PRKN: variants seen among roughly 807,000 people sequenced by gnomAD.
PRKN encodes the protein E3 ubiquitin-protein ligase parkin.
PRKN carries 56 observed loss-of-function variants against 59.5 expected under a neutral mutation model. The ratio of observed to expected loss-of-function variants is 0.94; its 90% confidence interval spans 0.76 to 1.18. The LOEUF (loss-of-function observed/expected upper bound fraction) is 1.18, where lower values mean the gene tolerates loss of function less well. Among genes scored for constraint, PRKN ranks in the 50% most tolerant of loss-of-function variants. The pLI, the probability that PRKN is intolerant of heterozygous loss-of-function variation, is 0.00. For synonymous variants in PRKN, 250 were observed against 222.1 expected, an observed-to-expected ratio of 1.13 and a Z score of -1.12; for missense variants, 657 against 596.4, an observed-to-expected ratio of 1.10 and a Z score of -1.06.
chr6:161,864,679 C>G (rs1424411123), intron 6 of PRKN, among the ~76,000 whole-genome samples: 2 of 152,000 alleles, frequency 1.3e-5, no homozygotes, highest in African/African-American at 4.8e-5. Context: ...TTTTTTGAGA[C>G]AGAATCTCGC....
chr6:161,723,592 A>T (rs1787317327), intron 7 of PRKN, among the ~76,000 whole-genome samples: 1 of 152,114 alleles, frequency 6.6e-6, no homozygotes, highest in Admixed American at 6.5e-5. Flanking sequence ...AAACTCAGGG[A>T]TGAAAGAAAG....
intron 2 of PRKN, among the ~76,000 whole-genome samples, chr6:162,333,290 C>G (rs116361077): frequency 0.013 from 1,907 of 150,420 alleles, 45 homozygotes; most frequent in African/African-American, 0.044. Flanking sequence ...CACATGCAGG[C>G]ACACCTCTTG....
Position 161,473,814 on chromosome 6 carries a change from A to G in PRKN, c.1083+75040T>C, listed in dbSNP as rs901966989. On this transcript the variant is annotated intron_variant, in intron 9 of 11. Transcript: ENST00000366898. This position sits in a 1 kb window ranked among gnomAD's most constrained non-coding sequence, Gnocchi z 4.1. ...CACTTCACTATGTATAAATATATCA[A>G]AATATGTTGTACACCTTAACTATAT... is the stretch of plus-strand genomic sequence containing the variant. Among the ~76,000 whole-genome samples the G allele has an allele frequency of 2.6e-5, 4 of 152,190 alleles. No individual in the cohort carries two copies. The highest frequency in any genetic ancestry group is 9.7e-5 in the African/African-American group (4 of 41,428).
chr6:162,461,499 C>CAAAAAAAAAAAAAAAAAAAA (rs780424226), intron 1 of PRKN, among the ~76,000 whole-genome samples: 46 of 36,520 alleles, frequency 1.3e-3, no homozygotes, highest in Admixed American at 1.7e-3. Context: ...TAAAGTGTCT[C>CAAAAAAAAAAAAAAAAAAAA]AAAAAAAAAA....
intron 1 of PRKN, among the ~76,000 whole-genome samples, chr6:162,682,581 A>G (rs1779813202): frequency 6.6e-6 from 1 of 152,106 alleles, no homozygotes. Flanking sequence ...AGAGGGGAAC[A>G]ACAGGTACTG....
chr6:162,472,804 T>TTATATATATATATATATATATATA (rs1290741228), intron 1 of PRKN, among the ~76,000 whole-genome samples: 27 of 93,736 alleles, frequency 2.9e-4, no homozygotes, highest in East Asian at 9.6e-4. Context: ...AACTTTTATT[T>TTATATATATATATATATATATATA]TATATATATA....
At chr6:162,712,785 G>C (rs1438925031) in intron 1 of PRKN, among the ~76,000 whole-genome samples, 3 of 152,156 alleles carry the variant, frequency 2.0e-5, no homozygotes, top group Non-Finnish European at 4.4e-5. Flanking sequence ...AGTTGAACCT[G>C]TCTTCTGAGA....
chr6:162,170,880 A>G (rs2128319593), intron 4 of PRKN, among the ~76,000 whole-genome samples: 1 of 152,270 alleles, frequency 6.6e-6, no homozygotes, highest in South Asian at 2.1e-4. Context: ...AATTTACCAC[A>G]AAGTTCATAT....
rs1253230306 is a variant in PRKN at position 161,359,443 on chromosome 6, C to T, written c.1285+645G>A. Among the ~76,000 whole-genome samples, 5 of 152,304 alleles carry T rather than the reference C, an allele frequency of 3.3e-5. No individual in the cohort carries two copies. Among genetic ancestry groups the T allele is most frequent in the East Asian group, 3.9e-4 (2 of 5,172 alleles). On this transcript the variant is annotated intron_variant, in intron 11 of 11. Transcript: ENST00000366898. The surrounding 1 kb of genome is among the most constrained non-coding windows in gnomAD (Gnocchi z 5.4). ...ATTAAGGAGAAGCTGGGAGAGGCTG[C>T]GCCTGGCTTCGTGTCATTGCTCATC...
intron 4 of PRKN, among the ~76,000 whole-genome samples, chr6:162,132,974 C>A (rs1781428672): frequency 6.6e-6 from 1 of 152,186 alleles, no homozygotes; most frequent in African/African-American, 2.4e-5. Flanking sequence ...CATTTGGCCA[C>A]AGCACCGTGG....
At chr6:162,482,846 C>T (rs1394637432) in intron 1 of PRKN, among the ~76,000 whole-genome samples, 8 of 152,134 alleles carry the variant, frequency 5.3e-5, no homozygotes, top group Non-Finnish European at 1.2e-4. Flanking sequence ...TACCTTCCAA[C>T]GTGGAAATTT....
chr6:161,352,023 G>A lies in PRKN; in HGVS notation c.1286-1812C>T, dbSNP rs1342029117. 6.6e-6 allele frequency among the ~76,000 whole-genome samples: 1 copy of A among 152,170 alleles called. No individual in the cohort carries two copies. Among genetic ancestry groups the A allele is most frequent in the East Asian group, 1.9e-4 (1 of 5,190 alleles). On this transcript the variant is annotated intron_variant, in intron 11 of 11. Transcript: ENST00000366898. The surrounding 1 kb of genome is among the most constrained non-coding windows in gnomAD (Gnocchi z 5.8). ...AGTCGCTGTGGGGGAACTGAAGGGA[G>A]GAGGAAGTGATTTGTATGAGGATGT...
At chr6:162,020,575 T>C (rs926563536) in intron 5 of PRKN, among the ~76,000 whole-genome samples, 3 of 152,104 alleles carry the variant, frequency 2.0e-5, no homozygotes, top group East Asian at 1.9e-4. Context: ...GGGACAGATA[T>C]ATATGTAGGT....
chr6:162,086,293 G>C (rs1779244360), intron 4 of PRKN, among the ~76,000 whole-genome samples: 1 of 152,080 alleles, frequency 6.6e-6, no homozygotes, highest in South Asian at 2.1e-4. Context: ...GTGCATGAGT[G>C]GACTCTTTAT....
intron 1 of PRKN, among the ~76,000 whole-genome samples, chr6:162,716,739 C>T (rs1219746144): frequency 6.6e-6 from 1 of 151,668 alleles, no homozygotes; most frequent in East Asian, 1.9e-4. Context: ...ATCAACTAGT[C>T]CATACACCCT....
At chr6:162,184,229 A>G (rs1469463954) in intron 4 of PRKN, among the ~76,000 whole-genome samples, 1 of 152,196 alleles carries the variant, frequency 6.6e-6, no homozygotes, top group Non-Finnish European at 1.5e-5. Flanking sequence ...ATAAGCAAAA[A>G]TTACTGATTG....
At chr6:161,594,268 T>C (rs1583272556) in intron 7 of PRKN, among the ~76,000 whole-genome samples, 2 of 152,204 alleles carry the variant, frequency 1.3e-5, no homozygotes, top group Non-Finnish European at 1.5e-5. Context: ...AATTGGTTCA[T>C]CAATTTTCTG....
intron 2 of PRKN, among the ~76,000 whole-genome samples, chr6:162,322,489 T>G (rs547075925): frequency 1.3e-5 from 2 of 152,102 alleles, no homozygotes; most frequent in Admixed American, 1.3e-4. Context: ...AAAAACATTT[T>G]GAAAATGTAG....
rs1392204454 is a variant in PRKN at position 161,996,312 on chromosome 6, CA to C, written c.619-22896del. ...GCCAGGCACTGGACAAATACCTTTC[CA>C]AAGTCAAAGGTGAACATTAATCCCA... On this transcript the variant is annotated intron_variant, in intron 5 of 11. Transcript: ENST00000366898. 2.0e-5 allele frequency among the ~76,000 whole-genome samples: 3 copies of C among 152,158 alleles called. No individual in the cohort carries two copies. In the East Asian group the frequency reaches 5.8e-4, roughly 29 times the overall value.
Sources: gnomAD v4.1 joint callset for allele counts (sites outside exome capture counted in the v4.1 genomes callset) on GRCh38, gnomAD v4.1.1 for gene constraint, Gnocchi (gnomAD v3.1) non-coding constraint, MANE v1.5 for transcripts, NCBI Gene and HGNC (gene_info 2026-07-23, HGNC 2026-07-21) for gene names.